VSIG1: variants seen among roughly 807,000 people sequenced by gnomAD.
VSIG1 encodes V-set and immunoglobulin domain-containing protein 1.
A neutral mutation model predicts 20.1 loss-of-function variants in VSIG1; 11 were observed. The ratio of observed to expected loss-of-function variants is 0.55; its 90% confidence interval spans 0.34 to 0.91. VSIG1 has a LOEUF of 0.91. VSIG1 is among the 40% of genes least tolerant of loss of function. The pLI, the probability that VSIG1 is intolerant of heterozygous loss-of-function variation, is 0.02. For missense variants in VSIG1, 283 were observed against 298.8 expected, an observed-to-expected ratio of 0.95 and a Z score of 0.39; for synonymous variants, 126 against 116.7, an observed-to-expected ratio of 1.08 and a Z score of -0.52.
At chrX:108,048,874 G>A (rs1010187440) in intron 1 of VSIG1, among the ~76,000 whole-genome samples, 3 of 112,569 alleles carry the variant, frequency 2.7e-5, no homozygotes, top group East Asian at 5.5e-4. Context: ...CATCATCACA[G>A]GAAGTTCTGT....
At chrX:108,033,741 A>G in the VSIG1 span, among the ~76,000 whole-genome samples, 26 of 110,511 alleles carry the variant, frequency 2.4e-4, no homozygotes, top group African/African-American at 7.2e-4. Context: ...TTAGAAAACC[A>G]CTGGGGGAGG....
At chrX:108,042,596 T>C (rs1474904985), upstream of VSIG1, among the ~76,000 whole-genome samples, 5 of 111,788 alleles carry the variant, frequency 4.5e-5, no homozygotes, top group Non-Finnish European at 1.9e-5. Context: ...GCCAGACTTA[T>C]AAATTTCGCT....
intron 2 of VSIG1, among the ~76,000 whole-genome samples, chrX:108,059,846 G>A (rs1259329482): frequency 1.8e-5 from 2 of 112,533 alleles, no homozygotes; most frequent in Middle Eastern, 4.6e-3. Context: ...GCTGGATTTA[G>A]GGAGACCTTG....
intron 2 of VSIG1, among the ~76,000 whole-genome samples, chrX:108,061,901 G>A (rs1602575544): frequency 9.1e-6 from 1 of 110,441 alleles, no homozygotes; most frequent in Non-Finnish European, 1.9e-5. Flanking sequence ...CCCCTTTGGA[G>A]AACAGAGACT....
intron 2 of VSIG1, among the ~76,000 whole-genome samples, chrX:108,063,477 G>T (rs1291646389): frequency 9.0e-6 from 1 of 111,287 alleles, no homozygotes; most frequent in Non-Finnish European, 1.9e-5. Flanking sequence ...GCCAGTGGAT[G>T]TATTTCAGTC....
At chrX:108,029,079 G>T in the VSIG1 span, among the ~76,000 whole-genome samples, 1 of 112,107 alleles carries the variant, frequency 8.9e-6, no homozygotes, top group Non-Finnish European at 1.9e-5. Context: ...ATAAAATATG[G>T]GAAGTGCAGT....
chrX:108,026,179 A>G, the VSIG1 span, among the ~76,000 whole-genome samples: 1 of 112,112 alleles, frequency 8.9e-6, no homozygotes, highest in East Asian at 2.8e-4. Flanking sequence ...GTGTCTCCAT[A>G]GGAACCCATC....
chrX:108,061,811 C>A (rs2031033705), intron 2 of VSIG1, among the ~76,000 whole-genome samples: 1 of 110,135 alleles, frequency 9.1e-6, no homozygotes, highest in African/African-American at 3.3e-5. Context: ...TTCCTGAAAT[C>A]ATTGTGTTAG....
the VSIG1 span, among the ~76,000 whole-genome samples, chrX:108,027,867 G>A: frequency 3.6e-5 from 4 of 111,188 alleles, no homozygotes; most frequent in African/African-American, 9.8e-5. Flanking sequence ...CCCCAGGAAA[G>A]AGGGATATAT....
chrX:108,032,677 G>A, the VSIG1 span, among the ~76,000 whole-genome samples: 3 of 111,424 alleles, frequency 2.7e-5, no homozygotes, highest in African/African-American at 6.5e-5. Flanking sequence ...CATACCAAAT[G>A]GAAGGAACAG....
Position 108,076,133 on chromosome X carries a change from A to C in VSIG1, c.745A>C (p.Ile249Leu). Reference protein sequence around the residue: ...ALIGSLVGAAIIISVVCFARN... With the variant: ...ALIGSLVGAALIISVVCFARN... ...GATTGGTAGCCTGGTAGGTGCCGCC[A>C]TCATCATCTCTGTTGTGTGCTTCGC... Residue 249 changes from isoleucine to leucine, a missense_variant, in exon 6 of 7, where the codon ATC becomes CTC. Ile to Leu is a conservative substitution (Grantham distance 5). Coordinates refer to ENST00000217957, the MANE Select transcript of VSIG1 (RefSeq NM_182607.5). The C allele has an allele frequency of 8.3e-7, 1 of 1,211,797 alleles. No homozygotes were observed. Among genetic ancestry groups the C allele is most frequent in the Middle Eastern group, 2.3e-4 (1 of 4,354 alleles).
rs1200779422 is a variant in VSIG1, at chrX:108,073,310, A to T, written c.629A>T (p.Gln210Leu). 1.7e-6 allele frequency: 2 copies of T among 1,211,165 alleles called. No homozygotes were observed. The highest frequency in any genetic ancestry group is 2.2e-6 in the Non-Finnish European group (2 of 894,849). Reference sequence around the variant, plus strand: ...ACAAATTTTGAACAAGGTTATTACCAGTGTACTGCCATCAACAGACTTGGC... The same window carrying T: ...ACAAATTTTGAACAAGGTTATTACCTGTGTACTGCCATCAACAGACTTGGC... ...NLTNFEQGYY[Q>L]CTAINRLGNS... The change falls in exon 5 of 7, where the codon CAG becomes CTG. Residue 210 changes from glutamine to leucine, a missense_variant. Transcript: ENST00000217957.
the VSIG1 span, among the ~76,000 whole-genome samples, chrX:108,022,166 C>T: frequency 2.5e-3 from 277 of 111,874 alleles, 2 homozygotes; most frequent in Non-Finnish European, 3.2e-3. Context: ...AATATTAAGT[C>T]TTCCAACCCA....
At chrX:108,075,927 T>C in intron 5 of VSIG1, 150 bp from the exon 6 acceptor site, 1 of 624,489 alleles carries the variant, frequency 1.6e-6, no homozygotes, top group Non-Finnish European at 2.3e-6. Context: ...TGAGTCCAAA[T>C]GACAGAGTTC....
intron 1 of VSIG1, among the ~76,000 whole-genome samples, chrX:108,052,742 A>T (rs1329018133): frequency 8.9e-6 from 1 of 112,361 alleles, no homozygotes; most frequent in African/African-American, 3.2e-5. Flanking sequence ...ATTGTATCCC[A>T]TAAATATATG....
intron 1 of VSIG1, among the ~76,000 whole-genome samples, chrX:108,047,975 T>TACAC (rs2030689444): frequency 1.9e-4 from 11 of 57,079 alleles, no homozygotes; most frequent in Middle Eastern, 7.9e-3. Context: ...TATATATATA[T>TACAC]ATATATATAT....
At chrX:108,040,462 G>A (rs1351155609), upstream of VSIG1, among the ~76,000 whole-genome samples, 4 of 112,111 alleles carry the variant, frequency 3.6e-5, no homozygotes, top group Non-Finnish European at 5.6e-5. Context: ...ACTCTTAATG[G>A]AGGTATGGTT....
chrX:108,047,807 T>TACATATATATATACATATATAC (rs2030627330), intron 1 of VSIG1, among the ~76,000 whole-genome samples: 1 of 50,843 alleles, frequency 2.0e-5, no homozygotes, highest in Non-Finnish European at 3.7e-5. Flanking sequence ...TATATATATA[T>TACATATATATATACATATATAC]ACATATATAT....
the VSIG1 span, among the ~76,000 whole-genome samples, chrX:108,026,968 C>T: frequency 9.0e-6 from 1 of 111,705 alleles, no homozygotes. Context: ...CAAATCAAAA[C>T]CACATTGGGA....
Sources: gnomAD v4.1 joint callset for allele counts (sites outside exome capture counted in the v4.1 genomes callset) on GRCh38, gnomAD v4.1.1 for gene constraint, MANE v1.5 for transcripts, NCBI Gene and HGNC (gene_info 2026-07-23, HGNC 2026-07-21) for gene names.